GPC5: variants seen among roughly 807,000 people sequenced by gnomAD.
GPC5 encodes glypican 5.
Under a neutral mutation model 53.9 loss-of-function variants are expected in GPC5, and 47 were observed. The ratio of observed to expected loss-of-function variants is 0.87; its 90% CI spans 0.69 to 1.11. The LOEUF (loss-of-function observed/expected upper bound fraction) is 1.11. Among genes scored for constraint, GPC5 ranks in the 50% most tolerant of loss-of-function variants. GPC5 has a pLI of 0.00. For synonymous variants in GPC5, 286 were observed against 263.3 expected (o/e 1.09, Z -0.84); for missense variants, 748 against 713.1 (o/e 1.05, Z -0.56).
chr13:92,850,637 CAGT>C (rs1878763502), intron 7 of GPC5, among the ~76,000 whole-genome samples: 2 of 152,022 alleles, frequency 1.3e-5, no homozygotes, highest in Non-Finnish European at 2.9e-5. Flanking sequence ...TAGATAGCAT[CAGT>C]TATCCTTGGT....
At chr13:91,814,679 T>C (rs1209588989) in intron 5 of GPC5, among the ~76,000 whole-genome samples, 1 of 152,088 alleles carries the variant, frequency 6.6e-6, no homozygotes, top group African/African-American at 2.4e-5. Context: ...TAGCTGGGAT[T>C]ACAGGCACCC....
At chr13:91,662,584 C>T (rs774451918) in intron 2 of GPC5, among the ~76,000 whole-genome samples, 9 of 152,032 alleles carry the variant, frequency 5.9e-5, no homozygotes, top group Admixed American at 1.3e-4. Context: ...TTAACTGGTG[C>T]GAACATTTAG....
intron 7 of GPC5, among the ~76,000 whole-genome samples, chr13:92,675,500 C>T (rs1239187390): frequency 6.6e-6 from 1 of 151,840 alleles, no homozygotes; most frequent in Non-Finnish European, 1.5e-5. Flanking sequence ...GGAAAATGAC[C>T]CTACAATGAT....
intron 3 of GPC5, among the ~76,000 whole-genome samples, chr13:91,718,990 G>A (rs1425291542): frequency 6.6e-6 from 1 of 151,862 alleles, no homozygotes; most frequent in African/African-American, 2.4e-5. Context: ...AGGGCAAAAT[G>A]TATTTTATTT....
intron 7 of GPC5, among the ~76,000 whole-genome samples, chr13:92,256,736 G>T (rs2042728978): frequency 6.6e-6 from 1 of 151,334 alleles, no homozygotes; most frequent in Non-Finnish European, 1.5e-5. Context: ...GAGGTGAATT[G>T]ATTTATATTG....
intron 7 of GPC5, among the ~76,000 whole-genome samples, chr13:92,800,189 A>G (rs1419073650): frequency 6.6e-6 from 1 of 151,890 alleles, no homozygotes; most frequent in African/African-American, 2.4e-5. Context: ...TAAAATAACT[A>G]TACATGACTG....
At chr13:91,434,166 A>T (rs1297428221) in intron 1 of GPC5, among the ~76,000 whole-genome samples, 1 of 152,180 alleles carries the variant, frequency 6.6e-6, no homozygotes, top group Non-Finnish European at 1.5e-5. Context: ...GTTCAGGCTG[A>T]TGGTAGTTTC....
intron 7 of GPC5, among the ~76,000 whole-genome samples, chr13:92,607,466 CAG>C (rs1299807824): frequency 6.6e-6 from 1 of 150,636 alleles, no homozygotes; most frequent in Non-Finnish European, 1.5e-5. Context: ...TGGAAAACGA[CAG>C]AAAAAAAAAA....
intron 5 of GPC5, among the ~76,000 whole-genome samples, chr13:91,786,761 G>C (rs1328159594): frequency 6.6e-6 from 1 of 152,016 alleles, no homozygotes; most frequent in Non-Finnish European, 1.5e-5. Context: ...AAGTTCATTT[G>C]TTTTTACATT....
chr13:92,670,842 A>G (rs1284570824), intron 7 of GPC5, among the ~76,000 whole-genome samples: 5 of 152,180 alleles, frequency 3.3e-5, no homozygotes, highest in Admixed American at 3.3e-4. Context: ...ACATACATAA[A>G]CACATTTTCA....
intron 5 of GPC5, among the ~76,000 whole-genome samples, chr13:91,808,363 T>C (rs1231950366): frequency 1.3e-5 from 2 of 152,150 alleles, no homozygotes; most frequent in East Asian, 1.9e-4. Context: ...CCCATCTTGG[T>C]CATTTTTATG....
intron 5 of GPC5, among the ~76,000 whole-genome samples, chr13:91,772,873 A>G (rs2037649240): frequency 6.6e-6 from 1 of 152,186 alleles, no homozygotes; most frequent in African/African-American, 2.4e-5. Context: ...TGATGAGCAC[A>G]TAAGTTTGGG....
intron 7 of GPC5, among the ~76,000 whole-genome samples, chr13:92,475,692 T>C (rs575305718): frequency 1.3e-5 from 2 of 152,250 alleles, no homozygotes; most frequent in South Asian, 2.1e-4. Flanking sequence ...AACAGAGATA[T>C]AGATCAATGG....
In GPC5 at chr13:91,558,446, G is replaced by T. The variant is rs940253368; in HGVS notation, c.325+109524G>T. ...TTTGTGGCTTATAATATTGGATGTG[G>T]ACCATGTAAATATTTGTCACTTACC... On this transcript the variant is annotated intron_variant, in intron 2 of 7. Coordinates refer to ENST00000377067, the MANE Select transcript of GPC5 (RefSeq NM_004466.6). Among the ~76,000 whole-genome samples the T allele has an allele frequency of 2.6e-5, 4 of 151,994 alleles. No homozygotes were observed. In the East Asian group the frequency reaches 7.7e-4, roughly 29 times the overall value.
At position 91,926,464 on chromosome 13, in the gene GPC5, G is replaced by A. The variant is rs557342477; in HGVS notation, c.1401+18407G>A. Among the ~76,000 whole-genome samples the A allele has an allele frequency of 3.7e-4, 57 of 152,106 alleles. 1 individual carries two copies. The highest frequency in any genetic ancestry group is 1.3e-3 in the African/African-American group (53 of 41,478). ...GTCAGACCCAGTTCAGCTGATCTAG[G>A]CTAGGCTTGACTAGCATTGGCTTGA... is the stretch of plus-strand genomic sequence containing the variant. On this transcript the variant is annotated intron_variant, in intron 6 of 7. Transcript: ENST00000377067.
intron 7 of GPC5, among the ~76,000 whole-genome samples, chr13:92,281,710 C>T (rs903995486): frequency 1.3e-5 from 2 of 152,166 alleles, no homozygotes; most frequent in African/African-American, 4.8e-5. Context: ...GGAAAACTAA[C>T]CAACAGAAAG....
intron 6 of GPC5, among the ~76,000 whole-genome samples, chr13:92,093,630 T>C (rs1473609494): frequency 6.6e-6 from 1 of 152,230 alleles, no homozygotes; most frequent in African/African-American, 2.4e-5. Context: ...ACTTCTAATG[T>C]ACTCTATTGG....
intron 7 of GPC5, among the ~76,000 whole-genome samples, chr13:92,717,320 TCA>T (rs1413924707): frequency 6.6e-6 from 1 of 152,046 alleles, no homozygotes; most frequent in Non-Finnish European, 1.5e-5. Context: ...AGCCCTTGCC[TCA>T]GAGTTAGGTT....
chr13:91,881,834 G>A (rs531481366), intron 5 of GPC5, among the ~76,000 whole-genome samples: 25 of 152,214 alleles, frequency 1.6e-4, no homozygotes, highest in Non-Finnish European at 3.4e-4. Context: ...AAGGAGTCTC[G>A]CAGATGCAAC....
Sources: gnomAD v4.1 joint callset for allele counts (sites outside exome capture counted in the v4.1 genomes callset) on GRCh38, gnomAD v4.1.1 for gene constraint, MANE v1.5 for transcripts, NCBI Gene and HGNC (gene_info 2026-07-23, HGNC 2026-07-21) for gene names.